Variants in MAP9 observed in about 807,000 individuals in gnomAD.
MAP9 encodes the protein microtubule-associated protein 9.
Under a neutral mutation model 75.2 loss-of-function variants are expected in MAP9, and 80 were observed. That is an observed-to-expected ratio of 1.06 (90% CI 0.89 to 1.28). The LOEUF is 1.28. Ranked by LOEUF, MAP9 falls within the 50% of genes most tolerant of loss-of-function variation. The pLI is 0.00. For missense variants in MAP9, 753 were observed against 719.9 expected (o/e 1.05, Z -0.53); for synonymous variants, 235 against 237.3 (o/e 0.99, Z 0.09).
chr4:155,348,898 T>C (rs1731385673), intron 13 of MAP9, among the ~76,000 whole-genome samples: 1 of 152,180 alleles, frequency 6.6e-6, no homozygotes, highest in Non-Finnish European at 1.5e-5. Context: ...GCACTTTTTA[T>C]GTGTCATTTG....
At chr4:155,371,810 C>A (rs1279487405) in intron 4 of MAP9, among the ~76,000 whole-genome samples, 1 of 151,166 alleles carries the variant, frequency 6.6e-6, no homozygotes, top group African/African-American at 2.4e-5. Context: ...CTGTCTCAGA[C>A]AAATTTTTAG....
At chr4:155,375,949 T>G in intron 1 of MAP9, 35 bp from the exon 2 acceptor site, 1 of 761,476 alleles carries the variant, frequency 1.3e-6, no homozygotes, top group Non-Finnish European at 2.2e-6. Flanking sequence ...CTTCGCATGC[T>G]TCAGAATTTA....
chr4:155,352,898 T>C lies in MAP9; in HGVS notation c.1688+14A>G. ...AATTTAAAATATATCAAAATATTTA[T>C]GATTTTGGATTACCATTTCTCAACA... is the stretch of plus-strand genomic sequence containing the variant. On this transcript the variant is annotated intron_variant, in intron 12 of 13. Transcript: ENST00000311277. 2 of 1,491,738 alleles carry C rather than the reference T, an allele frequency of 1.3e-6. No homozygotes were observed. Among genetic ancestry groups the C allele is most frequent in the Non-Finnish European group, 1.8e-6 (2 of 1,110,002 alleles). 92.4% of individuals were successfully genotyped at this position (1,491,738 alleles called of 1,614,324 possible). A position where few individuals can be genotyped will look rare whatever the true frequency, so the allele number is the denominator to read the frequency against.
chr4:155,343,350 A>T lies in MAP9; in HGVS notation c.*4433T>A, dbSNP rs1239048075. 6.6e-6 allele frequency: 1 copy of T among 151,738 alleles called. No individual in the cohort carries two copies. The highest frequency in any genetic ancestry group is 1.5e-5 in the Non-Finnish European group (1 of 67,808). 9.4% of individuals were successfully genotyped at this position (151,738 alleles called of 1,614,324 possible). ...TCAGCTACAGGAGAAAGTACACTAG[A>T]AACTAATTAACAGGAAGAGTACAAA... On this transcript the variant is annotated 3_prime_UTR_variant, in exon 14 of 14. Transcript: ENST00000311277.
chr4:155,350,787 T>C (rs1314943435), intron 13 of MAP9, among the ~76,000 whole-genome samples: 1 of 152,128 alleles, frequency 6.6e-6, no homozygotes, highest in Non-Finnish European at 1.5e-5. Flanking sequence ...TTGCATTAAA[T>C]GACTTCAGGG....
intron 13 of MAP9, among the ~76,000 whole-genome samples, chr4:155,351,766 C>T (rs7672459): frequency 0.61 from 92,825 of 151,592 alleles, 29,156 homozygotes; most frequent in East Asian, 0.79. Context: ...AAATCAAAAA[C>T]AACCTGGATG....
chr4:155,372,895 T>C (rs892261441), intron 4 of MAP9: 2 of 302,364 alleles, frequency 6.6e-6, no homozygotes, highest in African/African-American at 4.4e-5. Context: ...GTGCTTTGGC[T>C]TTCTATCAGG....
At chr4:155,370,944 CCG>C (rs1366437248) in intron 4 of MAP9, among the ~76,000 whole-genome samples, 1 of 152,058 alleles carries the variant, frequency 6.6e-6, no homozygotes, top group African/African-American at 2.4e-5. Flanking sequence ...AACTATTATC[CCG>C]TTTTTAAAGA....
intron 10 of MAP9, among the ~76,000 whole-genome samples, chr4:155,354,762 G>A (rs556628756): frequency 6.6e-6 from 1 of 152,256 alleles, no homozygotes; most frequent in African/African-American, 2.4e-5. Context: ...ACAGTACCTG[G>A]CCTTCTTGGT....
rs139674986 is a variant in MAP9, at chr4:155,372,407, C to A, written c.481+729G>T. 8.6e-3 allele frequency among the ~76,000 whole-genome samples: 1,307 copies of A among 152,218 alleles called. 26 individuals are homozygous for A. Among genetic ancestry groups the A allele is most frequent in the African/African-American group, 0.03 (1,249 of 41,508 alleles). ...ATCCTTAACCTTGCATATACAAGTT[C>A]ATGAATGGTGGCCCAGGGTATGTGA... On this transcript the variant is annotated intron_variant, in intron 4 of 13. Transcript: ENST00000311277.
intron 5 of MAP9, among the ~76,000 whole-genome samples, chr4:155,364,579 T>C (rs1252868121): frequency 6.7e-6 from 1 of 148,288 alleles, no homozygotes; most frequent in Non-Finnish European, 1.5e-5. Context: ...ATACAATATA[T>C]AATACAGTAG....
intron 6 of MAP9, 90 bp from the exon 7 acceptor site, chr4:155,360,505 T>C (rs939563644): frequency 2.4e-5 from 30 of 1,269,598 alleles, no homozygotes; most frequent in Non-Finnish European, 3.1e-5. Flanking sequence ...AAATGAGGAC[T>C]ATCTATAAAC....
rs911403935 is a variant in MAP9, at chr4:155,343,576, C to T, written c.*4207G>A. The T allele has an allele frequency of 3.3e-5, 5 of 151,408 alleles. No homozygotes were observed. Among genetic ancestry groups the T allele is most frequent in the South Asian group, 4.2e-4 (2 of 4,806 alleles). The allele number at this position is 151,408 out of a possible 1,614,324, so 9.4% of individuals were successfully genotyped here. ...TATATTAGCATATGATTATTTTATCCTTAGCCCACAAATAAAACTCACACC... is the reference window on the plus strand; with the variant it reads ...TATATTAGCATATGATTATTTTATCTTTAGCCCACAAATAAAACTCACACC... On this transcript the variant is annotated 3_prime_UTR_variant, in exon 14 of 14. Transcript: ENST00000311277.
chr4:155,362,611 A>G (rs1278784329), intron 5 of MAP9: 1 of 152,392 alleles, frequency 6.6e-6, no homozygotes, highest in Non-Finnish European at 1.5e-5. Flanking sequence ...CGCTACTTCC[A>G]AATATTTTAG....
rs190831128 is a variant in MAP9, at chr4:155,345,294, A to G, written c.*2489T>C. Reference sequence around the variant, plus strand: ...GTAAACAGGAAATAATATGTTATTTATCATAGTAAGACAAAAAAAATTTGA... The same window carrying G: ...GTAAACAGGAAATAATATGTTATTTGTCATAGTAAGACAAAAAAAATTTGA... On this transcript the variant is annotated 3_prime_UTR_variant, in exon 14 of 14. Coordinates refer to ENST00000311277, the MANE Select transcript of MAP9 (RefSeq NM_001039580.2). The G allele has an allele frequency of 6.6e-6, 1 of 152,184 alleles. No homozygotes were observed. Among genetic ancestry groups the G allele is most frequent in the Admixed American group, 6.6e-5 (1 of 15,262 alleles). 9.4% of individuals were successfully genotyped at this position (152,184 alleles called of 1,614,324 possible).
chr4:155,351,454 A>C (rs1731506376), intron 13 of MAP9, among the ~76,000 whole-genome samples: 1 of 149,484 alleles, frequency 6.7e-6, no homozygotes. Flanking sequence ...TCAAAAGCCA[A>C]AAAAAAAAAA....
At chr4:155,356,018 TG>T in intron 8 of MAP9, 134 bp from the exon 9 acceptor site, 1 of 778,810 alleles carries the variant, frequency 1.3e-6, no homozygotes, top group Non-Finnish European at 2.0e-6. Flanking sequence ...CCCAGCACTT[TG>T]GAAGGCCAAA....
Position 155,372,684 on chromosome 4 carries a change from C to T in MAP9, c.481+452G>A, listed in dbSNP as rs908775005. On this transcript the variant is annotated intron_variant, in intron 4 of 13. Coordinates refer to ENST00000311277, the MANE Select transcript of MAP9 (RefSeq NM_001039580.2). ...AATATACAAATGTCAAGAAAATTTT[C>T]TGGCACAATGTTGGTATGGCAAAGA... is the stretch of plus-strand genomic sequence containing the variant. Among the ~76,000 whole-genome samples the T allele has an allele frequency of 4.6e-5, 7 of 152,196 alleles. No homozygotes were observed. The South Asian group carries it at 1.4e-3, about 32-fold the overall frequency.
chr4:155,345,546 T>C lies in MAP9; in HGVS notation c.*2237A>G, dbSNP rs1190258418. 2.6e-5 allele frequency: 4 copies of C among 152,078 alleles called. No individual in the cohort carries two copies. Among genetic ancestry groups the C allele is most frequent in the African/African-American group, 9.7e-5 (4 of 41,438 alleles). 9.4% of individuals were successfully genotyped at this position (152,078 alleles called of 1,614,324 possible). ...AAAATGTGTAATGTCAAATAACCAT[T>C]ATCAACCCTATCTATGTTAATGTTC... On this transcript the variant is annotated 3_prime_UTR_variant, in exon 14 of 14. Transcript: ENST00000311277.
Sources: allele counts gnomAD v4.1 joint callset (sites outside exome capture counted in the v4.1 genomes callset), GRCh38; gene constraint gnomAD v4.1.1; transcripts MANE v1.5; gene names NCBI Gene and HGNC (gene_info 2026-07-23, HGNC 2026-07-21).